The following PLA2G4C variants were observed in gnomAD, a reference collection of about 807,000 sequenced individuals.
PLA2G4C encodes the protein cytosolic phospholipase A2 gamma.
Under a neutral mutation model 73.8 loss-of-function variants are expected in PLA2G4C, and 64 were observed. The ratio of observed to expected loss-of-function variants is 0.87; its 90% CI spans 0.71 to 1.07. The LOEUF (loss-of-function observed/expected upper bound fraction) is 1.07. Among genes scored for constraint, PLA2G4C ranks in the 50% least tolerant of loss-of-function variants. PLA2G4C has a pLI of 0.00. For synonymous variants in PLA2G4C, 254 were observed against 252.1 expected (o/e 1.01, Z -0.07); for missense variants, 622 against 665.4 (o/e 0.93, Z 0.72).
chr19:48,105,830 C>T (rs1351831068), intron 2 of PLA2G4C, among the ~76,000 whole-genome samples: 2 of 60,048 alleles, frequency 3.3e-5, no homozygotes, highest in Admixed American at 1.8e-4. Flanking sequence ...CCCCTCCCTC[C>T]CTCCCTCCCT....
At chr19:48,078,485 A>G (rs1048354562) in intron 10 of PLA2G4C, among the ~76,000 whole-genome samples, 4 of 152,178 alleles carry the variant, frequency 2.6e-5, no homozygotes, top group African/African-American at 9.7e-5. Context: ...CTCATCCAAA[A>G]AGCTCCTAGG....
At chr19:48,050,673 CTTTTTT>C (rs5828330) in intron 16 of PLA2G4C, among the ~76,000 whole-genome samples, 1 of 78,746 alleles carries the variant, frequency 1.3e-5, no homozygotes, top group Non-Finnish European at 2.4e-5. Flanking sequence ...GAGTATGTGA[CTTTTTT>C]TTTTTTTTTT....
rs528422900 is a variant in PLA2G4C at position 48,060,021 on chromosome 19, G to A, written c.1257+1977C>T. Among the ~76,000 whole-genome samples the A allele has an allele frequency of 3.1e-4, 47 of 151,706 alleles. No individual in the cohort carries two copies. In the Middle Eastern group the frequency reaches 0.014, roughly 44 times the overall value. ...CCTGATCTTCTGATCCACCCGCCTC[G>A]GCCTCCCAAAATGCTGAGATTACAG... On this transcript the variant is annotated intron_variant, in intron 14 of 16. Coordinates refer to ENST00000599921, the MANE Select transcript of PLA2G4C (RefSeq NM_003706.3).
At chr19:48,061,934 C>T in intron 14 of PLA2G4C, 64 bp downstream of exon 14, 1 of 1,558,690 alleles carries the variant, frequency 6.4e-7, no homozygotes, top group Admixed American at 1.7e-5. Flanking sequence ...AGTTCCTCCG[C>T]AAAGTCAGCT....
chr19:48,072,897 GGGT>G lies in PLA2G4C; in HGVS notation c.1006+1867_1006+1869del. ...CAGAGGTGAGAGGTTGGATGTCTGG[GGGT>G]GAGACTGGCTGTACCTGGGTCATCT... On this transcript the variant is annotated intron_variant, in intron 12 of 16. Coordinates refer to ENST00000599921, the MANE Select transcript of PLA2G4C (RefSeq NM_003706.3). The surrounding 1 kb of genome is among the most constrained non-coding windows in gnomAD (Gnocchi z 4.4). 1 of 152,374 alleles carries G rather than the reference GGGT, an allele frequency of 6.6e-6. No individual in the cohort carries two copies. 9.4% of individuals were successfully genotyped at this position (152,374 alleles called of 1,614,324 possible).
chr19:48,077,534 A>G (rs537355402), intron 11 of PLA2G4C, among the ~76,000 whole-genome samples: 2 of 152,248 alleles, frequency 1.3e-5, no homozygotes, highest in Admixed American at 1.3e-4. Context: ...GCAATCTACA[A>G]GTCCAGTGTA....
In PLA2G4C at chr19:48,072,947, G is replaced by A. The variant is rs1027948607; in HGVS notation, c.1006+1820C>T. 1 of 152,156 alleles carries A rather than the reference G, an allele frequency of 6.6e-6. No homozygotes were observed. Among genetic ancestry groups the A allele is most frequent in the Non-Finnish European group, 1.5e-5 (1 of 68,068 alleles). The allele number at this position is 152,156 out of a possible 1,614,324, so 9.4% of individuals were successfully genotyped here. A position where few individuals can be genotyped will look rare whatever the true frequency, so the allele number is the denominator to read the frequency against. ...ATCTCAGGAAGGCAGTGGCTTCAGC[G>A]ACCAACTGTCTTCATTGTCCCTCAT... On this transcript the variant is annotated intron_variant, in intron 12 of 16. Coordinates refer to ENST00000599921, the MANE Select transcript of PLA2G4C (RefSeq NM_003706.3). The surrounding 1 kb of genome is among the most constrained non-coding windows in gnomAD (Gnocchi z 4.4).
intron 4 of PLA2G4C, among the ~76,000 whole-genome samples, chr19:48,103,183 T>A (rs1462583864): frequency 6.6e-6 from 1 of 152,124 alleles, no homozygotes; most frequent in East Asian, 1.9e-4. Context: ...AGGCCTGCCT[T>A]TTTAACCACA....
chr19:48,107,031 G>C (rs1240132923), intron 1 of PLA2G4C, among the ~76,000 whole-genome samples: 1 of 152,168 alleles, frequency 6.6e-6, no homozygotes, highest in Admixed American at 6.5e-5. Context: ...TTTTAGTAGA[G>C]ATGGGGTTTC....
chr19:48,096,454 A>T (rs1485275374), intron 6 of PLA2G4C, among the ~76,000 whole-genome samples: 1 of 152,096 alleles, frequency 6.6e-6, no homozygotes, highest in Non-Finnish European at 1.5e-5. Flanking sequence ...GTGGTGGTGC[A>T]TGCCTATAAT....
chr19:48,080,215 A>G (rs564332209), intron 10 of PLA2G4C, among the ~76,000 whole-genome samples: 1 of 152,304 alleles, frequency 6.6e-6, no homozygotes, highest in East Asian at 1.9e-4. Flanking sequence ...GCCAAGAAAC[A>G]TATGAAAAAA....
At chr19:48,050,283 T>C (rs1223744573) in intron 16 of PLA2G4C, among the ~76,000 whole-genome samples, 1 of 152,090 alleles carries the variant, frequency 6.6e-6, no homozygotes, top group Non-Finnish European at 1.5e-5. Flanking sequence ...AGAAGACAGA[T>C]GAGCAGCAAA....
intron 16 of PLA2G4C, among the ~76,000 whole-genome samples, chr19:48,050,864 T>A (rs1967701470): frequency 6.6e-6 from 1 of 151,696 alleles, no homozygotes; most frequent in African/African-American, 2.4e-5. Context: ...TTAGTAGAGA[T>A]GGTGTCTTGC....
intron 9 of PLA2G4C, among the ~76,000 whole-genome samples, chr19:48,085,609 C>T (rs1253033621): frequency 6.6e-6 from 1 of 152,158 alleles, no homozygotes; most frequent in Admixed American, 6.5e-5. Flanking sequence ...AAGGACAAAA[C>T]ACTGTGTAGA....
At chr19:48,088,902 T>C (rs1224262428) in intron 8 of PLA2G4C, among the ~76,000 whole-genome samples, 190 bp from the exon 9 acceptor site, 1 of 152,186 alleles carries the variant, frequency 6.6e-6, no homozygotes, top group Non-Finnish European at 1.5e-5. Flanking sequence ...AGTGACCTCA[T>C]GTTGGTAGCC....
intron 10 of PLA2G4C, among the ~76,000 whole-genome samples, chr19:48,082,314 G>A (rs766844033): frequency 2.0e-5 from 3 of 151,672 alleles, no homozygotes; most frequent in Non-Finnish European, 4.4e-5. Context: ...TATTGTACAT[G>A]TTATAACTTT....
chr19:48,053,756 G>A (rs2162886), intron 15 of PLA2G4C, among the ~76,000 whole-genome samples: 92,875 of 152,004 alleles, frequency 0.61, 29,791 homozygotes, highest in East Asian at 0.9. Flanking sequence ...ATAAATGTTC[G>A]TTAAATGAAG....
chr19:48,057,098 T>C lies in PLA2G4C; in HGVS notation c.1258-2049A>G, dbSNP rs1053316344. Among the ~76,000 whole-genome samples the C allele has an allele frequency of 1.6e-4, 24 of 152,048 alleles. 1 individual carries two copies. The highest frequency in any genetic ancestry group is 5.6e-4 in the African/African-American group (23 of 41,414). ...AATCCCCAGGACACAAGTTTACCTA[T>C]GGAACAAACCTGTACTTGAACCCCT... On this transcript the variant is annotated intron_variant, in intron 14 of 16. Coordinates refer to ENST00000599921, the MANE Select transcript of PLA2G4C (RefSeq NM_003706.3).
intron 12 of PLA2G4C, among the ~76,000 whole-genome samples, chr19:48,070,118 G>A (rs1968600764): frequency 6.6e-6 from 1 of 152,172 alleles, no homozygotes; most frequent in South Asian, 2.1e-4. Context: ...AAACCAGGAA[G>A]AGAGTAACAC....
Sources: gnomAD v4.1 joint callset for allele counts (sites outside exome capture counted in the v4.1 genomes callset) on GRCh38, gnomAD v4.1.1 for gene constraint, Gnocchi (gnomAD v3.1) non-coding constraint, MANE v1.5 for transcripts, NCBI Gene and HGNC (gene_info 2026-07-23, HGNC 2026-07-21) for gene names.